The following THRAP3 variants were observed in gnomAD, a reference collection of about 807,000 sequenced individuals.
THRAP3 encodes the protein thyroid hormone receptor associated protein 3, also known as thyroid hormone receptor-associated protein 3.
THRAP3 carries 16 observed loss-of-function variants against 101.0 expected under a neutral mutation model. The ratio of observed to expected loss-of-function variants is 0.16; its 90% CI spans 0.11 to 0.24. The LOEUF (loss-of-function observed/expected upper bound fraction) is 0.24. Ranked by LOEUF, THRAP3 falls within the 10% of genes least tolerant of loss-of-function variation. THRAP3 has a pLI of 1.00. For missense variants in THRAP3, 989 were observed against 1,202.7 expected, an observed-to-expected ratio of 0.82 and a Z score of 2.63; for synonymous variants, 407 against 422.6, an observed-to-expected ratio of 0.96 and a Z score of 0.45.
chr1:36,234,136 A>G (rs774430772), intron 1 of THRAP3, among the ~76,000 whole-genome samples: 2 of 151,892 alleles, frequency 1.3e-5, no homozygotes, highest in African/African-American at 2.4e-5. Flanking sequence ...TTGTAGTTTT[A>G]TAGAGACAGG....
At chr1:36,256,829 A>G (rs1645381784) in intron 1 of THRAP3, among the ~76,000 whole-genome samples, 1 of 151,044 alleles carries the variant, frequency 6.6e-6, no homozygotes, top group African/African-American at 2.4e-5. Context: ...GAGTTTCGCT[A>G]TTGTTGTCCA....
At position 36,305,192 on chromosome 1, in the gene THRAP3, C is replaced by T. The variant is rs1270375030; in HGVS notation, c.*1175C>T. On this transcript the variant is annotated 3_prime_UTR_variant, in exon 12 of 12. Transcript: ENST00000354618. ...GACTGCACCCACCTCTCCCCCCCAG[C>T]CTTTGCCTCTTGCGTTGTTGTGCTG... 4.5e-6 allele frequency: 1 copy of T among 221,850 alleles called. No individual in the cohort carries two copies. Among genetic ancestry groups the T allele is most frequent in the Non-Finnish European group, 9.0e-6 (1 of 110,968 alleles). The allele number at this position is 221,850 out of a possible 1,614,324, so 13.7% of individuals were successfully genotyped here.
chr1:36,234,437 A>T (rs1233358140), intron 1 of THRAP3, among the ~76,000 whole-genome samples: 1 of 152,148 alleles, frequency 6.6e-6, no homozygotes, highest in Non-Finnish European at 1.5e-5. Context: ...TAGAAAGTAA[A>T]AGTTTCTCAT....
chr1:36,213,940 A>AAAGAAAGAAAG, the THRAP3 span, among the ~76,000 whole-genome samples: 1 of 127,910 alleles, frequency 7.8e-6, no homozygotes, highest in Non-Finnish European at 1.6e-5. Context: ...AGAAAGAAAG[A>AAAGAAAGAAAG]AAGAAAGAAA....
In THRAP3 at chr1:36,301,101, T is replaced by TC. The variant is rs1646025495; in HGVS notation, c.2502+22dup. On this transcript the variant is annotated intron_variant, in intron 10 of 11. Transcript: ENST00000354618. ...GGAACCTTTGTAAGACCTTCCCCTC[T>TC]CCCCCTTTCTCTGAGACCCTTGCTC... 6.2e-7 allele frequency: 1 copy of TC among 1,610,264 alleles called. No homozygotes were observed. The highest frequency in any genetic ancestry group is 1.3e-5 in the African/African-American group (1 of 74,754).
chr1:36,268,937 G>A (rs1418105481), intron 2 of THRAP3, among the ~76,000 whole-genome samples: 2 of 152,282 alleles, frequency 1.3e-5, no homozygotes, highest in African/African-American at 4.8e-5. Context: ...TGTTGGCCAG[G>A]CTGGCCTCAA....
intron 7 of THRAP3, among the ~76,000 whole-genome samples, chr1:36,293,641 T>TGTGTGTGC (rs1491558402): frequency 3.3e-3 from 2 of 614 alleles, no homozygotes; most frequent in East Asian, 0.071. Flanking sequence ...AACCTGGGAC[T>TGTGTGTGC]GTGTGTGTGT....
intron 9 of THRAP3, among the ~76,000 whole-genome samples, chr1:36,297,252 A>C (rs1238120278): frequency 6.6e-6 from 1 of 152,082 alleles, no homozygotes; most frequent in Admixed American, 6.6e-5. Flanking sequence ...TGTTCCAGGT[A>C]CTCCTTAAAC....
At chr1:36,270,235 G>T (rs916629210) in intron 2 of THRAP3, among the ~76,000 whole-genome samples, 2 of 152,072 alleles carry the variant, frequency 1.3e-5, no homozygotes, top group African/African-American at 4.8e-5. Flanking sequence ...CAAAAAATAC[G>T]AAAAGTTAGC....
At chr1:36,295,608 C>G (rs562407291) in intron 8 of THRAP3, among the ~76,000 whole-genome samples, 1 of 150,782 alleles carries the variant, frequency 6.6e-6, no homozygotes, top group Non-Finnish European at 1.5e-5. Context: ...TCCCTTCCTT[C>G]TTCCCTCCCT....
upstream of THRAP3, among the ~76,000 whole-genome samples, chr1:36,223,938 T>A (rs1403631960): frequency 1.3e-5 from 2 of 152,134 alleles, no homozygotes; most frequent in African/African-American, 4.8e-5. Flanking sequence ...AACATCGCTG[T>A]GGGGTAGAAA....
chr1:36,234,599 G>A (rs1200189160), intron 1 of THRAP3, among the ~76,000 whole-genome samples: 1 of 152,122 alleles, frequency 6.6e-6, no homozygotes, highest in African/African-American at 2.4e-5. Flanking sequence ...AAATAGGGAT[G>A]CACTTCTTGG....
chr1:36,220,953 C>CAAAAAAAAAAAA (rs1206488922), upstream of THRAP3, among the ~76,000 whole-genome samples: 2 of 44,404 alleles, frequency 4.5e-5, no homozygotes, highest in African/African-American at 1.3e-4. Context: ...GAGACTGTCT[C>CAAAAAAAAAAAA]AAAAAAAAAA....
the THRAP3 span, among the ~76,000 whole-genome samples, chr1:36,208,059 C>T: frequency 6.6e-6 from 1 of 152,192 alleles, no homozygotes; most frequent in Non-Finnish European, 1.5e-5. Flanking sequence ...TACCAAAGTG[C>T]TGGGATTATA....
At position 36,304,130 on chromosome 1, in the gene THRAP3, C is replaced by T. The variant is rs564658883; in HGVS notation, c.*113C>T. ...ATTCTGAAAATCCTACCCCCACCCC[C>T]CACCAGCCGCACAGATTGTACTACC... On this transcript the variant is annotated 3_prime_UTR_variant, in exon 12 of 12. Coordinates refer to ENST00000354618, the MANE Select transcript of THRAP3 (RefSeq NM_005119.4). 96 of 1,404,388 alleles carry T rather than the reference C, an allele frequency of 6.8e-5. No individual in the cohort carries two copies. The highest frequency in any genetic ancestry group is 5.3e-4 in the Middle Eastern group (2 of 3,806). The allele number at this position is 1,404,388 out of a possible 1,614,324, so 87.0% of individuals were successfully genotyped here.
intron 2 of THRAP3, among the ~76,000 whole-genome samples, chr1:36,265,718 T>C (rs1008153842): frequency 5.9e-5 from 9 of 152,180 alleles, no homozygotes; most frequent in Non-Finnish European, 1.3e-4. Flanking sequence ...GCAGGTTTGT[T>C]ACATAGGTAT....
chr1:36,293,704 ATAAGAG>A (rs1209480623), intron 7 of THRAP3, 141 bp from the exon 8 acceptor site: 53 of 531,678 alleles, frequency 1.0e-4, no homozygotes, highest in South Asian at 8.1e-4. Flanking sequence ...GTATAAGTAT[ATAAGAG>A]TAAAAGTAAT....
upstream of THRAP3, among the ~76,000 whole-genome samples, chr1:36,220,438 G>A (rs984176539): frequency 1.5e-4 from 23 of 152,178 alleles, no homozygotes; most frequent in African/African-American, 5.5e-4. Context: ...CACTTTGGGA[G>A]GCTGAGGTGG....
intron 9 of THRAP3, among the ~76,000 whole-genome samples, chr1:36,298,095 C>T (rs992742852): frequency 2.9e-5 from 4 of 136,042 alleles, no homozygotes; most frequent in Non-Finnish European, 4.5e-5. Context: ...TGCACTGAGC[C>T]GAGTTCTCAG....
Sources: gnomAD v4.1 joint callset for allele counts (sites outside exome capture counted in the v4.1 genomes callset) on GRCh38, gnomAD v4.1.1 for gene constraint, MANE v1.5 for transcripts, NCBI Gene and HGNC (gene_info 2026-07-23, HGNC 2026-07-21) for gene names.